Variants in USP32 observed in about 807,000 individuals in gnomAD.
USP32 encodes ubiquitin carboxyl-terminal hydrolase 32.
USP32 carries 59 observed loss-of-function variants against 204.8 expected under a neutral mutation model. The ratio of observed to expected loss-of-function variants is 0.29; its 90% CI spans 0.23 to 0.36. The LOEUF (loss-of-function observed/expected upper bound fraction) is 0.36, where lower values mean the gene tolerates loss of function less well. Ranked by LOEUF, USP32 falls within the 10% of genes least tolerant of loss-of-function variation. The pLI, the probability that USP32 is intolerant of heterozygous loss-of-function variation, is 1.00. For missense variants in USP32, 1,160 were observed against 1,946.4 expected (o/e 0.60, Z 7.60); for synonymous variants, 517 against 678.4 (o/e 0.76, Z 3.70).
chr17:60,332,760 T>C (rs189684635), intron 2 of USP32, among the ~76,000 whole-genome samples: 25 of 152,350 alleles, frequency 1.6e-4, no homozygotes, highest in African/African-American at 5.8e-4. Flanking sequence ...TTAGTTTGCA[T>C]TTCCTGGAAT....
chr17:60,345,128 T>C (rs1362688901), intron 2 of USP32, among the ~76,000 whole-genome samples: 1 of 152,172 alleles, frequency 6.6e-6, no homozygotes, highest in Non-Finnish European at 1.5e-5. Flanking sequence ...ATACAGAAAA[T>C]TTTCTTTAAC....
intron 1 of USP32, among the ~76,000 whole-genome samples, chr17:60,400,316 G>C (rs180733647): frequency 6.6e-6 from 1 of 152,150 alleles, no homozygotes; most frequent in Non-Finnish European, 1.5e-5. Context: ...AAGTGGACTG[G>C]AGTGAGAGGA....
chr17:60,301,438 T>C, intron 3 of USP32, 161 bp downstream of exon 3: 2 of 503,014 alleles, frequency 4.0e-6, no homozygotes, highest in Non-Finnish European at 6.9e-6. Context: ...TTTATATTTC[T>C]CTAATGACTA....
At chr17:60,228,498 T>C (rs1007765538) in intron 12 of USP32, among the ~76,000 whole-genome samples, 2 of 141,392 alleles carry the variant, frequency 1.4e-5, no homozygotes, top group African/African-American at 6.0e-5. Context: ...CTTTTTTCTT[T>C]TTCTTTTTTT....
intron 27 of USP32, among the ~76,000 whole-genome samples, chr17:60,196,690 T>G (rs969228814): frequency 6.6e-6 from 1 of 151,266 alleles, no homozygotes; most frequent in Non-Finnish European, 1.5e-5. Context: ...CCAGGCATGG[T>G]GGCGGGCACC....
At chr17:60,399,145 AT>A (rs1432529097) in intron 1 of USP32, among the ~76,000 whole-genome samples, 1 of 152,172 alleles carries the variant, frequency 6.6e-6, no homozygotes, top group Non-Finnish European at 1.5e-5. Flanking sequence ...GCAGACATTC[AT>A]TTACTCTTAA....
At chr17:60,246,267 C>T (rs1006848580) in intron 11 of USP32, among the ~76,000 whole-genome samples, 3 of 152,126 alleles carry the variant, frequency 2.0e-5, no homozygotes, top group African/African-American at 7.2e-5. Flanking sequence ...AGTGAGAACA[C>T]GTGATATTTG....
intron 4 of USP32, among the ~76,000 whole-genome samples, chr17:60,290,346 T>C (rs2087241484): frequency 6.6e-6 from 1 of 152,212 alleles, no homozygotes; most frequent in Non-Finnish European, 1.5e-5. Context: ...ATGTATGCCC[T>C]ATACATTTTT....
At chr17:60,286,326 A>G (rs2087110240) in intron 5 of USP32, among the ~76,000 whole-genome samples, 1 of 152,166 alleles carries the variant, frequency 6.6e-6, no homozygotes, top group Non-Finnish European at 1.5e-5. Flanking sequence ...GTAATGAATT[A>G]AGGATCTTGA....
intron 1 of USP32, among the ~76,000 whole-genome samples, chr17:60,406,750 G>A (rs1345892846): frequency 6.6e-6 from 1 of 151,968 alleles, no homozygotes; most frequent in Non-Finnish European, 1.5e-5. Context: ...TCCTGACCTC[G>A]TGATCCACCT....
At position 60,385,011 on chromosome 17, in the gene USP32, T is replaced by G. The variant is rs765898199; in HGVS notation, c.58+6871A>C. Among the ~76,000 whole-genome samples, 58 of 152,204 alleles carry G rather than the reference T, an allele frequency of 3.8e-4. 1 individual carries two copies. Among genetic ancestry groups the G allele is most frequent in the Admixed American group, 3.3e-4 (5 of 15,276 alleles). On this transcript the variant is annotated intron_variant, in intron 1 of 33. Coordinates refer to ENST00000300896, the MANE Select transcript of USP32 (RefSeq NM_032582.4). ...GCCCAAGCTAAGCCATCACATCCCC[T>G]GTGACCTGCACAATACATTCAGATG...
At chr17:60,380,204 T>C (rs1230625955) in intron 1 of USP32, among the ~76,000 whole-genome samples, 3 of 152,146 alleles carry the variant, frequency 2.0e-5, no homozygotes, top group Non-Finnish European at 4.4e-5. Flanking sequence ...ATTATTAGAA[T>C]AGATAAAAGC....
In USP32 at chr17:60,179,135, C is replaced by T; in HGVS notation, c.*120G>A. 1 of 1,144,000 alleles carries T rather than the reference C, an allele frequency of 8.7e-7. No individual in the cohort carries two copies. The highest frequency in any genetic ancestry group is 1.2e-6 in the Non-Finnish European group (1 of 827,074). 70.9% of individuals were successfully genotyped at this position (1,144,000 alleles called of 1,614,324 possible). On this transcript the variant is annotated 3_prime_UTR_variant, in exon 34 of 34. Coordinates refer to ENST00000300896, the MANE Select transcript of USP32 (RefSeq NM_032582.4). ...TAATTAGAATTTTTATTTTGTGCTT[C>T]AGGGCCACAGGATAAAATAACTACA...
chr17:60,292,335 A>G (rs184852523), intron 4 of USP32, among the ~76,000 whole-genome samples: 63 of 152,158 alleles, frequency 4.1e-4, no homozygotes, highest in African/African-American at 1.5e-3. Context: ...CCAACAACAA[A>G]TCCTTTACTC....
chr17:60,224,504 G>A (rs753897869), intron 13 of USP32, among the ~76,000 whole-genome samples: 8 of 152,200 alleles, frequency 5.3e-5, no homozygotes, highest in Non-Finnish European at 8.8e-5. Flanking sequence ...AATAACACAC[G>A]CCAGGAGGAA....
chr17:60,303,833 CA>C (rs2087650878), intron 2 of USP32, among the ~76,000 whole-genome samples: 2 of 151,986 alleles, frequency 1.3e-5, no homozygotes, highest in African/African-American at 4.8e-5. Context: ...AACAGAGTTG[CA>C]TAAGAGATTA....
intron 3 of USP32, among the ~76,000 whole-genome samples, chr17:60,298,313 C>G (rs2087490675): frequency 6.6e-6 from 1 of 152,182 alleles, no homozygotes; most frequent in Admixed American, 6.5e-5. Flanking sequence ...GGGGTATCTG[C>G]TGGAGGCTAT....
intron 25 of USP32, among the ~76,000 whole-genome samples, chr17:60,206,504 C>T (rs2084829601): frequency 6.8e-6 from 1 of 147,582 alleles, no homozygotes; most frequent in Admixed American, 6.7e-5. Context: ...AAAATTAGAA[C>T]ATCCACCAAC....
chr17:60,365,862 C>G (rs1318007272), intron 1 of USP32, among the ~76,000 whole-genome samples: 1 of 152,174 alleles, frequency 6.6e-6, no homozygotes, highest in East Asian at 1.9e-4. Flanking sequence ...TGAATACAAA[C>G]TTCTGCAAAG....
Sources: gnomAD v4.1 joint callset for allele counts (sites outside exome capture counted in the v4.1 genomes callset) on GRCh38, gnomAD v4.1.1 for gene constraint, MANE v1.5 for transcripts, NCBI Gene and HGNC (gene_info 2026-07-23, HGNC 2026-07-21) for gene names.